SOS1: variants seen among roughly 807,000 people sequenced by gnomAD.
SOS1 encodes SOS Ras/Rac guanine nucleotide exchange factor 1, also known as son of sevenless homolog 1.
Under a neutral mutation model 157.6 loss-of-function variants are expected in SOS1, and 25 were observed. The observed-to-expected ratio is 0.16, with a 90% CI of 0.12 to 0.22. The LOEUF is 0.22. Ranked by LOEUF, SOS1 falls within the 10% of genes least tolerant of loss-of-function variation. The pLI is 1.00. For synonymous variants in SOS1, 528 were observed against 534.0 expected, an observed-to-expected ratio of 0.99 and a Z score of 0.16; for missense variants, 1,237 against 1,599.1, an observed-to-expected ratio of 0.77 and a Z score of 3.86.
chr2:39,123,649 C>T (rs908885103), upstream of SOS1, among the ~76,000 whole-genome samples: 5 of 150,720 alleles, frequency 3.3e-5, no homozygotes, highest in African/African-American at 1.2e-4. Flanking sequence ...TGAGCCACCG[C>T]GCCCGGCCGA....
At position 39,075,675 on chromosome 2, in the gene SOS1, AAAAC is replaced by A. The variant is rs1054381958; in HGVS notation, c.88-7926_88-7923del. On this transcript the variant is annotated intron_variant, in intron 1 of 22. Transcript: ENST00000402219. ...TAAATTTTTTAAATTAAAAAAATAA[AAAAC>A]AAAGTTGACACTTTGAAAAGTACTA... 4.4e-4 allele frequency among the ~76,000 whole-genome samples: 67 copies of A among 151,940 alleles called. 1 individual carries two copies. The highest frequency in any genetic ancestry group is 1.6e-3 in the African/African-American group (66 of 41,524).
intron 1 of SOS1, among the ~76,000 whole-genome samples, chr2:39,071,280 T>C (rs1671783893): frequency 6.6e-6 from 1 of 152,182 alleles, no homozygotes; most frequent in African/African-American, 2.4e-5. Flanking sequence ...CACTAAACCC[T>C]TGACTGTTGA....
intron 1 of SOS1, among the ~76,000 whole-genome samples, chr2:39,088,288 A>G (rs1672454680): frequency 1.3e-5 from 2 of 149,416 alleles, no homozygotes; most frequent in Non-Finnish European, 3.0e-5. Flanking sequence ...CTACTTTAGT[A>G]TGCCTGAGAT....
At chr2:39,117,287 C>A (rs1191115580) in intron 1 of SOS1, among the ~76,000 whole-genome samples, 1 of 152,166 alleles carries the variant, frequency 6.6e-6, no homozygotes, top group African/African-American at 2.4e-5. Context: ...CTTGCTCTCC[C>A]AAAGTGCTGG....
chr2:38,989,984 G>T (rs963905773), intron 20 of SOS1, among the ~76,000 whole-genome samples: 4 of 151,954 alleles, frequency 2.6e-5, no homozygotes, highest in Admixed American at 2.6e-4. Flanking sequence ...AAAAGCGAAA[G>T]CCCCAAGAGC....
intron 1 of SOS1, among the ~76,000 whole-genome samples, chr2:39,108,138 A>G (rs1442004869): frequency 6.6e-6 from 1 of 152,082 alleles, no homozygotes; most frequent in Non-Finnish European, 1.5e-5. Flanking sequence ...GCTCAATTCA[A>G]TCACCAATCT....
intron 10 of SOS1, among the ~76,000 whole-genome samples, chr2:39,019,807 A>G (rs958160435): frequency 2.8e-4 from 42 of 151,752 alleles, no homozygotes; most frequent in African/African-American, 9.2e-4. Flanking sequence ...AAGTGTATCT[A>G]TAGTCAGAGC....
upstream of SOS1, among the ~76,000 whole-genome samples, chr2:39,121,684 C>A (rs924471416): frequency 2.0e-5 from 3 of 152,190 alleles, no homozygotes; most frequent in Admixed American, 2.0e-4. Context: ...TCAGGGCGTT[C>A]AGTCTATTGT....
chr2:39,035,342 A>C, intron 7 of SOS1, 32 bp from the exon 8 acceptor site: 1 of 1,596,732 alleles, frequency 6.3e-7, no homozygotes, highest in Non-Finnish European at 8.6e-7. Context: ...TTTTTTTTTT[A>C]AGTTTACTTT....
At chr2:39,079,062 CAAAAAA>C (rs10608351) in intron 1 of SOS1, among the ~76,000 whole-genome samples, 3 of 39,990 alleles carry the variant, frequency 7.5e-5, no homozygotes, top group Admixed American at 4.4e-4. Flanking sequence ...CTCTGTCTCC[CAAAAAA>C]AAAAAAAAAA....
chr2:39,017,244 TA>T (rs1355232524), intron 10 of SOS1, among the ~76,000 whole-genome samples: 3 of 152,042 alleles, frequency 2.0e-5, no homozygotes, highest in Non-Finnish European at 4.4e-5. Context: ...CTCCCTGGAT[TA>T]AAGAAACCCT....
intron 6 of SOS1, among the ~76,000 whole-genome samples, chr2:39,042,732 T>TTA (rs763519699): frequency 1.0e-4 from 15 of 148,946 alleles, no homozygotes; most frequent in African/African-American, 3.2e-4. Context: ...TTTTTTTTTT[T>TTA]AAAAACAAAG....
chr2:39,107,534 C>CT (rs1361205363), intron 1 of SOS1, among the ~76,000 whole-genome samples: 1 of 151,972 alleles, frequency 6.6e-6, no homozygotes, highest in East Asian at 1.9e-4. Context: ...TGTCTCCTTC[C>CT]TTTTCCCCCC....
At chr2:39,038,817 T>G (rs193167964) in intron 6 of SOS1, among the ~76,000 whole-genome samples, 71 of 149,952 alleles carry the variant, frequency 4.7e-4, no homozygotes, top group Middle Eastern at 3.4e-3. Flanking sequence ...ACAAAGGACT[T>G]AGAATATTAC....
chr2:39,084,382 G>T (rs997424496), intron 1 of SOS1, among the ~76,000 whole-genome samples: 1 of 152,112 alleles, frequency 6.6e-6, no homozygotes, highest in Non-Finnish European at 1.5e-5. Flanking sequence ...ACACGTGTAT[G>T]TGTAATTATA....
intron 5 of SOS1, 57 bp downstream of exon 5, chr2:39,054,557 T>C: frequency 1.0e-6 from 1 of 981,016 alleles, no homozygotes; most frequent in Non-Finnish European, 1.6e-6. Flanking sequence ...AAATTTGAAG[T>C]GGTCATGCAA....
At position 38,985,183 on chromosome 2, in the gene SOS1, A is replaced by G. The variant is rs1023913799; in HGVS notation, c.*641T>C. The stretch of plus-strand genomic sequence containing the variant: ...GGGGAATGCTCTTAAAATTGGTACA[A>G]TTATTCCTAAAACAACAACAACAAC... On this transcript the variant is annotated 3_prime_UTR_variant, in exon 23 of 23. Transcript: ENST00000402219. 3 of 152,702 alleles carry G rather than the reference A, an allele frequency of 2.0e-5. No homozygotes were observed. The highest frequency in any genetic ancestry group is 7.2e-5 in the African/African-American group (3 of 41,414). The allele number at this position is 152,702 out of a possible 1,614,324, so 9.5% of individuals were successfully genotyped here. A position where few individuals can be genotyped will look rare whatever the true frequency, so the allele number is the denominator to read the frequency against.
At chr2:39,008,637 A>C (rs919537557) in intron 15 of SOS1, among the ~76,000 whole-genome samples, 10 of 152,158 alleles carry the variant, frequency 6.6e-5, no homozygotes, top group Middle Eastern at 3.2e-3. Flanking sequence ...TCAAACAGAA[A>C]TCTCAGAAAC....
chr2:39,113,149 A>C (rs1001016871), intron 1 of SOS1, among the ~76,000 whole-genome samples: 13 of 152,144 alleles, frequency 8.5e-5, no homozygotes, highest in Admixed American at 3.9e-4. Flanking sequence ...TCATAAGAAA[A>C]GATGTCATCA....
Sources: gnomAD v4.1 joint callset for allele counts (sites outside exome capture counted in the v4.1 genomes callset) on GRCh38, gnomAD v4.1.1 for gene constraint, MANE v1.5 for transcripts, NCBI Gene and HGNC (gene_info 2026-07-23, HGNC 2026-07-21) for gene names.